MECR: variants seen among roughly 807,000 people sequenced by gnomAD.
The protein encoded by MECR is enoyl-[acyl-carrier-protein] reductase, mitochondrial.
A neutral mutation model predicts 49.1 loss-of-function variants in MECR; 37 were observed. The observed-to-expected ratio is 0.75, with a 90% confidence interval of 0.58 to 0.99. The LOEUF (loss-of-function observed/expected upper bound fraction) is 0.99. Among genes scored for constraint, MECR ranks in the 50% least tolerant of loss-of-function variants. The pLI, the probability that MECR is intolerant of heterozygous loss-of-function variation, is 0.00. For missense variants in MECR, 470 were observed against 479.6 expected, an observed-to-expected ratio of 0.98 and a Z score of 0.19; for synonymous variants, 198 against 191.1, an observed-to-expected ratio of 1.04 and a Z score of -0.30.
At chr1:29,197,045 A>C (rs1381810386) in intron 7 of MECR, among the ~76,000 whole-genome samples, 1 of 152,132 alleles carries the variant, frequency 6.6e-6, no homozygotes, top group Non-Finnish European at 1.5e-5. Flanking sequence ...CCTAGGTCCA[A>C]TCCCAGACTC....
chr1:29,180,859 G>A, the MECR span, among the ~76,000 whole-genome samples: 2 of 152,198 alleles, frequency 1.3e-5, no homozygotes, highest in Non-Finnish European at 2.9e-5. Flanking sequence ...GAGGCAGTAA[G>A]TTAACAATTT....
Position 29,206,750 on chromosome 1 carries a change from G to A in MECR, c.550+12C>T, listed in dbSNP as rs1316018224. 6.8e-6 allele frequency: 11 copies of A among 1,613,702 alleles called. No homozygotes were observed. In the Admixed American group the frequency reaches 1.5e-4, roughly 22 times the overall value. On this transcript the variant is annotated intron_variant, in intron 4 of 9. Coordinates refer to ENST00000263702, the MANE Select transcript of MECR (RefSeq NM_016011.5). ...AGACCCTGGCCTGCTCCCCCAACCT[G>A]TGGGTTCCTACCTGGCTGCAGTTGC...
intron 5 of MECR, 147 bp downstream of exon 5, chr1:29,202,983 TC>T (rs1675683737): frequency 6.7e-6 from 4 of 600,364 alleles, no homozygotes; most frequent in Non-Finnish European, 1.2e-5. Context: ...GACTGACTCA[TC>T]TGTTTCAGCC....
At chr1:29,192,076 G>A (rs1393303125), downstream of MECR, among the ~76,000 whole-genome samples, 1 of 151,990 alleles carries the variant, frequency 6.6e-6, no homozygotes, top group Non-Finnish European at 1.5e-5. Flanking sequence ...GGGCAACAGT[G>A]TGAGACTTCG....
chr1:29,227,420 A>C (rs950410430), intron 1 of MECR, among the ~76,000 whole-genome samples: 3 of 152,226 alleles, frequency 2.0e-5, no homozygotes, highest in African/African-American at 7.2e-5. Flanking sequence ...AAAAGGCCCA[A>C]ATACTTATTT....
At chr1:29,181,848 G>GGCGGT in the MECR span, 1 of 1,062,382 alleles carries the variant, frequency 9.4e-7, no homozygotes, top group Non-Finnish European at 1.2e-6. Context: ...CGGCGGCAAC[G>GGCGGT]GGCGGGCGGC....
At chr1:29,178,603 G>A in the MECR span, among the ~76,000 whole-genome samples, 309 of 151,720 alleles carry the variant, frequency 2.0e-3, no homozygotes, top group Non-Finnish European at 3.5e-3. Context: ...TCATCTGCCC[G>A]CCTCGGCCTC....
At chr1:29,227,828 C>T (rs1682487478) in intron 1 of MECR, among the ~76,000 whole-genome samples, 1 of 152,184 alleles carries the variant, frequency 6.6e-6, no homozygotes, top group Non-Finnish European at 1.5e-5. Context: ...GAATCCCAGT[C>T]TCTGGCTTCA....
In MECR at chr1:29,195,713, T is replaced by G. The variant is rs113781528; in HGVS notation, c.964+228A>C. On this transcript the variant is annotated intron_variant, in intron 9 of 9. Transcript: ENST00000263702. ...CTATCCATCTTTCCCCACTGTCAGC[T>G]CTTCAGGACGGGGGCAGTGTCTGTC... Among the ~76,000 whole-genome samples the G allele has an allele frequency of 9.1e-4, 139 of 152,324 alleles. 2 individuals carry two copies. The highest frequency in any genetic ancestry group is 3.4e-3 in the Middle Eastern group (1 of 294).
intron 3 of MECR, among the ~76,000 whole-genome samples, chr1:29,213,859 AAT>A (rs1165376699): frequency 3.9e-5 from 6 of 152,210 alleles, no homozygotes; most frequent in African/African-American, 9.6e-5. Flanking sequence ...CAATTGAGTT[AAT>A]ATACATGAAG....
At chr1:29,198,462 G>A (rs765777490) in intron 7 of MECR, among the ~76,000 whole-genome samples, 1 of 152,208 alleles carries the variant, frequency 6.6e-6, no homozygotes, top group Non-Finnish European at 1.5e-5. Context: ...CCGTAACAAC[G>A]CTTCCCCCTG....
At chr1:29,187,688 T>A (rs1673057191), downstream of MECR, among the ~76,000 whole-genome samples, 1 of 148,672 alleles carries the variant, frequency 6.7e-6, no homozygotes, top group Non-Finnish European at 1.5e-5. Flanking sequence ...CAACCTCTGC[T>A]TCCTGGGTTC....
chr1:29,203,071 G>A, intron 5 of MECR, 60 bp downstream of exon 5: 1 of 1,389,222 alleles, frequency 7.2e-7, no homozygotes, highest in East Asian at 2.6e-5. Flanking sequence ...GGCACCGCAG[G>A]GATGGGAGGT....
At chr1:29,186,960 A>G in the MECR span, among the ~76,000 whole-genome samples, 1 of 152,172 alleles carries the variant, frequency 6.6e-6, no homozygotes, top group East Asian at 1.9e-4. Context: ...TTTCTCTTTC[A>G]TAAGGTGCCA....
chr1:29,196,911 G>A (rs1452688211), intron 7 of MECR, among the ~76,000 whole-genome samples: 4 of 152,076 alleles, frequency 2.6e-5, no homozygotes, highest in Non-Finnish European at 5.9e-5. Flanking sequence ...AGGCTGAGGT[G>A]GGAAGATCAC....
chr1:29,199,692 C>A (rs1674870788), intron 7 of MECR, among the ~76,000 whole-genome samples: 1 of 146,724 alleles, frequency 6.8e-6, no homozygotes, highest in African/African-American at 2.5e-5. Context: ...GATCTCGGCT[C>A]ACTGCAACCT....
Position 29,201,627 on chromosome 1 carries a change from T to C in MECR, c.756+316A>G. On this transcript the variant is annotated intron_variant, in intron 6 of 9. Transcript: ENST00000263702. The surrounding 1 kb of genome is among the most constrained non-coding windows in gnomAD (Gnocchi z 4.3). ...CTTCTTTTCTTTCTCTTTCTGTGTC[T>C]CTGTTTCCTCAGGTCCTCTCCTGCC... is the stretch of plus-strand genomic sequence containing the variant. 2.0e-6 allele frequency: 1 copy of C among 496,904 alleles called. No individual in the cohort carries two copies. Among genetic ancestry groups the C allele is most frequent in the Non-Finnish European group, 3.7e-6 (1 of 268,082 alleles). 30.8% of individuals were successfully genotyped at this position (496,904 alleles called of 1,614,324 possible).
chr1:29,180,307 C>T, the MECR span, among the ~76,000 whole-genome samples: 1 of 152,172 alleles, frequency 6.6e-6, no homozygotes, highest in African/African-American at 2.4e-5. Flanking sequence ...CGTCTACCCG[C>T]CACTTCAATA....
chr1:29,213,217 T>C (rs1678466212), intron 3 of MECR, among the ~76,000 whole-genome samples: 1 of 152,232 alleles, frequency 6.6e-6, no homozygotes, highest in South Asian at 2.1e-4. Context: ...TGATAGGACC[T>C]TCACTTAGCA....
Sources: allele counts gnomAD v4.1 joint callset (sites outside exome capture counted in the v4.1 genomes callset), GRCh38; gene constraint gnomAD v4.1.1; non-coding constraint Gnocchi (gnomAD v3.1); transcripts MANE v1.5; gene names NCBI Gene and HGNC (gene_info 2026-07-23, HGNC 2026-07-21).